The following P4HA1 variants were observed in gnomAD, a reference collection of about 807,000 sequenced individuals.
P4HA1 encodes the protein prolyl 4-hydroxylase subunit alpha 1.
P4HA1 carries 24 observed loss-of-function variants against 72.8 expected under a neutral mutation model. The observed-to-expected ratio is 0.33, with a 90% CI of 0.24 to 0.46. The LOEUF is 0.46. P4HA1 is among the 20% of genes least tolerant of loss of function. The probability of loss-of-function intolerance (pLI) is 1.00; values close to 1 mark genes in which losing one functional copy is unlikely to be tolerated. For synonymous variants in P4HA1, 201 were observed against 218.8 expected, an observed-to-expected ratio of 0.92 and a Z score of 0.72; for missense variants, 446 against 640.6, an observed-to-expected ratio of 0.70 and a Z score of 3.28.
chr10:73,084,941 A>G (rs1295769790), intron 1 of P4HA1, among the ~76,000 whole-genome samples: 1 of 152,140 alleles, frequency 6.6e-6, no homozygotes, highest in Non-Finnish European at 1.5e-5. Flanking sequence ...AGAGTTCGAG[A>G]CCAGCCTTGG....
chr10:73,040,763 C>T (rs1310159673), intron 9 of P4HA1, among the ~76,000 whole-genome samples: 2 of 152,116 alleles, frequency 1.3e-5, no homozygotes, highest in Non-Finnish European at 2.9e-5. Flanking sequence ...TGAGCCACCA[C>T]TCCTGGCCGT....
chr10:73,057,460 A>AG (rs1841178634), intron 5 of P4HA1, among the ~76,000 whole-genome samples: 1 of 152,236 alleles, frequency 6.6e-6, no homozygotes, highest in Non-Finnish European at 1.5e-5. Context: ...ACTGCACTCC[A>AG]GCCTGGGCGA....
At chr10:73,032,512 T>C (rs1417892901) in intron 9 of P4HA1, among the ~76,000 whole-genome samples, 2 of 152,212 alleles carry the variant, frequency 1.3e-5, no homozygotes, top group Non-Finnish European at 2.9e-5. Flanking sequence ...GGCTGCTTTT[T>C]CTTGGTCTCC....
At chr10:73,014,386 A>T in intron 11 of P4HA1, 97 bp from the exon 12 acceptor site, 1 of 896,898 alleles carries the variant, frequency 1.1e-6, no homozygotes, top group Non-Finnish European at 1.8e-6. Context: ...CCTGAAGAAT[A>T]TGCCAACAAC....
intron 1 of P4HA1, among the ~76,000 whole-genome samples, chr10:73,075,141 T>C (rs1448626097): frequency 6.6e-6 from 1 of 152,184 alleles, no homozygotes; most frequent in Non-Finnish European, 1.5e-5. Flanking sequence ...AAACAGAGTC[T>C]CTGTCGCCCA....
chr10:73,042,130 C>G (rs1292337446), intron 9 of P4HA1, among the ~76,000 whole-genome samples: 1 of 152,028 alleles, frequency 6.6e-6, no homozygotes, highest in Non-Finnish European at 1.5e-5. Flanking sequence ...ATGATTTTCT[C>G]TTGTTAATCT....
chr10:73,009,985 T>G (rs75766680), intron 13 of P4HA1, 82 bp from the exon 14 acceptor site: 2 of 750,776 alleles, frequency 2.7e-6, no homozygotes, highest in Non-Finnish European at 4.5e-6. Flanking sequence ...TTTTTTTTTT[T>G]TGAGACAGAG....
chr10:73,055,646 C>T (rs117623453), intron 5 of P4HA1, among the ~76,000 whole-genome samples: 14 of 152,316 alleles, frequency 9.2e-5, no homozygotes, highest in African/African-American at 2.9e-4. Flanking sequence ...TATGTCAACT[C>T]GCTTCTGCAG....
chr10:73,009,295 C>G (rs1839860354), intron 14 of P4HA1, among the ~76,000 whole-genome samples: 1 of 151,596 alleles, frequency 6.6e-6, no homozygotes, highest in Non-Finnish European at 1.5e-5. Context: ...TGGTCCTGCA[C>G]TTGCATGTCC....
chr10:73,042,261 GT>G lies in P4HA1; in HGVS notation c.1148+2719del, dbSNP rs369246882. On this transcript the variant is annotated intron_variant, in intron 9 of 14. Transcript: ENST00000394890. ...CAGCAGAGACAAGAAACCAAGACGT[GT>G]ATAGTAACGTTTAAGGTTAATATAT... 1.4e-4 allele frequency among the ~76,000 whole-genome samples: 21 copies of G among 152,196 alleles called. No individual in the cohort carries two copies. In the South Asian group the frequency reaches 4.2e-3, roughly 30 times the overall value.
At chr10:73,019,760 T>C (rs866387950) in intron 10 of P4HA1, among the ~76,000 whole-genome samples, 40 of 96,806 alleles carry the variant, frequency 4.1e-4, no homozygotes, top group Middle Eastern at 0.013. Flanking sequence ...ATTCAATGAA[T>C]GAAATTAAAA....
chr10:73,084,140 A>T (rs1841878176), intron 1 of P4HA1, among the ~76,000 whole-genome samples: 1 of 152,236 alleles, frequency 6.6e-6, no homozygotes, highest in South Asian at 2.1e-4. Context: ...AGTTCTGATA[A>T]GACAGCTTTG....
chr10:73,076,845 TC>T (rs1211114186), intron 1 of P4HA1, among the ~76,000 whole-genome samples: 1 of 152,178 alleles, frequency 6.6e-6, no homozygotes, highest in Non-Finnish European at 1.5e-5. Flanking sequence ...TGACTCGTCT[TC>T]CTATGTGACG....
At chr10:73,091,278 C>A (rs1459093330) in intron 1 of P4HA1, among the ~76,000 whole-genome samples, 1 of 151,970 alleles carries the variant, frequency 6.6e-6, no homozygotes, top group African/African-American at 2.4e-5. Flanking sequence ...GTCCTAAATT[C>A]AACCAGTAGG....
chr10:73,041,521 C>T (rs1232005276), intron 9 of P4HA1, among the ~76,000 whole-genome samples: 5 of 145,574 alleles, frequency 3.4e-5, no homozygotes, highest in East Asian at 4.0e-4. Context: ...AGCCTGGGGG[C>T]GACAGAGCAA....
chr10:73,023,808 GAAAA>G (rs1229563598), intron 10 of P4HA1, among the ~76,000 whole-genome samples: 6 of 85,196 alleles, frequency 7.0e-5, no homozygotes, highest in Admixed American at 2.6e-4. Context: ...CAAATGGAAA[GAAAA>G]AAAAAAAAAA....
At chr10:73,040,182 T>C (rs568813318) in intron 9 of P4HA1, among the ~76,000 whole-genome samples, 1 of 152,284 alleles carries the variant, frequency 6.6e-6, no homozygotes, top group South Asian at 2.1e-4. Context: ...CTAATGCTAG[T>C]AGCTAAATAC....
intron 5 of P4HA1, among the ~76,000 whole-genome samples, chr10:73,054,855 G>C (rs1841102521): frequency 2.0e-5 from 3 of 152,056 alleles, no homozygotes; most frequent in African/African-American, 7.2e-5. Context: ...TAGTTATGTT[G>C]GGCCTATTAT....
intron 5 of P4HA1, among the ~76,000 whole-genome samples, chr10:73,059,139 T>C (rs1204176750): frequency 6.6e-6 from 1 of 151,932 alleles, no homozygotes; most frequent in Non-Finnish European, 1.5e-5. Flanking sequence ...TTTGCTTGTA[T>C]TTTAAAAAAC....
Sources: allele counts gnomAD v4.1 joint callset (sites outside exome capture counted in the v4.1 genomes callset), GRCh38; gene constraint gnomAD v4.1.1; transcripts MANE v1.5; gene names NCBI Gene and HGNC (gene_info 2026-07-23, HGNC 2026-07-21).